TBCK: variants seen among roughly 807,000 people sequenced by gnomAD.
TBCK encodes TBC1 domain containing kinase.
Under a neutral mutation model 113.4 loss-of-function variants are expected in TBCK, and 99 were observed. The ratio of observed to expected loss-of-function variants is 0.87; its 90% CI spans 0.74 to 1.03. TBCK has a LOEUF of 1.03. Among genes scored for constraint, TBCK ranks in the 50% least tolerant of loss-of-function variants. TBCK has a pLI of 0.00. For missense variants in TBCK, 1,045 were observed against 1,061.3 expected (o/e 0.98, Z 0.21); for synonymous variants, 369 against 370.8 (o/e 1.00, Z 0.05).
At chr4:106,186,821 G>C (rs1484988453) in intron 22 of TBCK, among the ~76,000 whole-genome samples, 1 of 152,072 alleles carries the variant, frequency 6.6e-6, no homozygotes, top group Admixed American at 6.6e-5. Context: ...CAAGGCCCAG[G>C]TCCAGATTGG....
rs761261798 is a variant in TBCK, at chr4:106,095,528, C to G, written c.2525G>C (p.Gly842Ala). The G allele has an allele frequency of 1.9e-6, 3 of 1,613,800 alleles. No homozygotes were observed. Among genetic ancestry groups the G allele is most frequent in the Non-Finnish European group, 2.5e-6 (3 of 1,179,884 alleles). ...PYTAMLQNFK[G>A]KVIVIVGHVA... ...ATGCCCCACGATGACAATGACCTTC[C>G]CTTTGAAGTTCTGGAGCATAGCAGT... is the stretch of plus-strand genomic sequence containing the variant. The change falls in exon 25 of 26, where the codon GGG becomes GCG. Residue 842 changes from glycine to alanine, a missense_variant. Physicochemically the swap from Gly to Ala is moderately conservative, Grantham distance 60 (BLOSUM62 0). Coordinates refer to ENST00000394708, the MANE Select transcript of TBCK (RefSeq NM_001163435.3).
chr4:106,217,387 G>A (rs1757083216), intron 19 of TBCK, among the ~76,000 whole-genome samples: 1 of 152,154 alleles, frequency 6.6e-6, no homozygotes, highest in Non-Finnish European at 1.5e-5. Flanking sequence ...GCAGGAGAAG[G>A]AAATAAAGGG....
intron 3 of TBCK, among the ~76,000 whole-genome samples, chr4:106,272,939 G>C (rs1004816252): frequency 6.6e-6 from 1 of 152,174 alleles, no homozygotes; most frequent in Non-Finnish European, 1.5e-5. Flanking sequence ...TAACTGAATA[G>C]TCTAGTAGGT....
At chr4:106,196,972 G>C (rs996831374) in intron 20 of TBCK, among the ~76,000 whole-genome samples, 2 of 152,026 alleles carry the variant, frequency 1.3e-5, no homozygotes, top group African/African-American at 4.8e-5. Context: ...TTCTGACCAA[G>C]GTGGCATAAC....
At chr4:106,304,791 C>T (rs1406306000) in intron 2 of TBCK, among the ~76,000 whole-genome samples, 1 of 152,120 alleles carries the variant, frequency 6.6e-6, no homozygotes, top group Non-Finnish European at 1.5e-5. Flanking sequence ...AAAGGAATTT[C>T]CATTTGATAA....
chr4:106,150,188 G>C (rs1161335696), intron 23 of TBCK, among the ~76,000 whole-genome samples: 1 of 152,066 alleles, frequency 6.6e-6, no homozygotes, highest in Admixed American at 6.6e-5. Flanking sequence ...TGTTGCTTTT[G>C]TTCATGAAGA....
At chr4:106,054,412 C>T (rs931309248) in intron 25 of TBCK, among the ~76,000 whole-genome samples, 5 of 151,644 alleles carry the variant, frequency 3.3e-5, no homozygotes, top group Non-Finnish European at 7.4e-5. Context: ...TCCACATCTT[C>T]TATTGGCTTT....
Position 106,226,203 on chromosome 4 carries a change from G to C in TBCK, c.1774+4160C>G, listed in dbSNP as rs28615150. On this transcript the variant is annotated intron_variant, in intron 19 of 25. Transcript: ENST00000394708. ...AAAAAGCCTGCAATTAGAAAGTGTG[G>C]AAATTTGTCTTTTTCATATTGGAAA... Among the ~76,000 whole-genome samples the C allele has an allele frequency of 3.7e-3, 558 of 152,220 alleles. 3 individuals are homozygous for C. Among genetic ancestry groups the C allele is most frequent in the African/African-American group, 0.013 (530 of 41,542 alleles).
intron 22 of TBCK, among the ~76,000 whole-genome samples, chr4:106,174,054 T>C (rs1751337269): frequency 6.6e-6 from 1 of 152,078 alleles, no homozygotes; most frequent in African/African-American, 2.4e-5. Flanking sequence ...TTCAATATGA[T>C]AAACACAACC....
intron 19 of TBCK, among the ~76,000 whole-genome samples, chr4:106,228,962 T>C (rs554481542): frequency 2.6e-5 from 4 of 152,212 alleles, no homozygotes; most frequent in South Asian, 2.1e-4. Context: ...CGATATCTCA[T>C]TGTAGTTTTG....
chr4:106,167,211 T>C (rs938538653), intron 23 of TBCK, among the ~76,000 whole-genome samples: 2 of 147,402 alleles, frequency 1.4e-5, no homozygotes, highest in Non-Finnish European at 3.0e-5. Flanking sequence ...TATATATATA[T>C]ATTTATATAT....
chr4:106,084,883 G>C (rs1245542102), intron 25 of TBCK, among the ~76,000 whole-genome samples: 1 of 152,288 alleles, frequency 6.6e-6, no homozygotes, highest in East Asian at 1.9e-4. Context: ...ACAAGCAAAT[G>C]CTGAGGAATT....
At chr4:106,188,231 G>T (rs1298049686) in intron 22 of TBCK, among the ~76,000 whole-genome samples, 1 of 152,070 alleles carries the variant, frequency 6.6e-6, no homozygotes, top group Non-Finnish European at 1.5e-5. Context: ...TTCTTTTGAT[G>T]CCTTAAATCT....
intron 20 of TBCK, among the ~76,000 whole-genome samples, chr4:106,196,330 T>C (rs1403723383): frequency 1.3e-5 from 2 of 151,862 alleles, no homozygotes; most frequent in African/African-American, 4.8e-5. Context: ...GTATCAAAAA[T>C]CAACAATAAT....
chr4:106,137,435 GA>G lies in TBCK; in HGVS notation c.2236-21058del, dbSNP rs1400052839. 2.1e-5 allele frequency among the ~76,000 whole-genome samples: 3 copies of G among 139,960 alleles called. 1 individual carries two copies. Among genetic ancestry groups the G allele is most frequent in the South Asian group, 4.9e-4 (2 of 4,072 alleles). The allele number at this position is 139,960 out of a possible 152,430, so 91.8% of individuals were successfully genotyped here. A position where few individuals can be genotyped will look rare whatever the true frequency, so the allele number is the denominator to read the frequency against. On this transcript the variant is annotated intron_variant, in intron 23 of 25. Coordinates refer to ENST00000394708, the MANE Select transcript of TBCK (RefSeq NM_001163435.3). ...TGGTAGGTATTTCAAGCTCATGCAAGAGGGGGTACAGGCTTTGTAAATGGCA... is the reference window on the plus strand; with the variant it reads ...TGGTAGGTATTTCAAGCTCATGCAAGGGGGGTACAGGCTTTGTAAATGGCA...
chr4:106,047,714 AGG>A (rs1021089832), intron 25 of TBCK, among the ~76,000 whole-genome samples: 1 of 152,108 alleles, frequency 6.6e-6, no homozygotes, highest in African/African-American at 2.4e-5. Flanking sequence ...GGCAGATGGT[AGG>A]GGCTCAATAT....
rs1768831184 is a variant in TBCK at position 106,316,165 on chromosome 4, C to G, written c.-264G>C. The G allele has an allele frequency of 5.9e-6, 1 of 169,806 alleles. No homozygotes were observed. Among genetic ancestry groups the G allele is most frequent in the Non-Finnish European group, 1.3e-5 (1 of 79,276 alleles). The allele number at this position is 169,806 out of a possible 1,614,324, so 10.5% of individuals were successfully genotyped here. On this transcript the variant is annotated 5_prime_UTR_variant, in exon 1 of 26. Coordinates refer to ENST00000394708, the MANE Select transcript of TBCK (RefSeq NM_001163435.3). ...CCTTCGCGGAACCCGGCGAGGAGCG[C>G]AAGCCTGGCCTTCCCCAAACACAGA... is the stretch of plus-strand genomic sequence containing the variant.
At chr4:106,154,072 A>G (rs927698069) in intron 23 of TBCK, among the ~76,000 whole-genome samples, 3 of 152,046 alleles carry the variant, frequency 2.0e-5, no homozygotes, top group Non-Finnish European at 2.9e-5. Context: ...AGTATTATTG[A>G]TAAGAACTTA....
chr4:106,097,561 A>G (rs1307682794), intron 24 of TBCK, among the ~76,000 whole-genome samples: 1 of 152,156 alleles, frequency 6.6e-6, no homozygotes, highest in African/African-American at 2.4e-5. Flanking sequence ...ATTTATAATG[A>G]ATAGCCTGTT....
Sources: gnomAD v4.1 joint callset for allele counts (sites outside exome capture counted in the v4.1 genomes callset) on GRCh38, gnomAD v4.1.1 for gene constraint, MANE v1.5 for transcripts, NCBI Gene and HGNC (gene_info 2026-07-23, HGNC 2026-07-21) for gene names.